AP1G1: variants seen among roughly 807,000 people sequenced by gnomAD.
The protein encoded by AP1G1 is AP-1 complex subunit gamma-1.
Under a neutral mutation model 108.3 loss-of-function variants are expected in AP1G1, and 7 were observed. That is an observed-to-expected ratio of 0.06 (90% confidence interval 0.04 to 0.12). AP1G1 has a LOEUF of 0.12. Among genes scored for constraint, AP1G1 ranks in the 10% least tolerant of loss-of-function variants. AP1G1 has a pLI of 1.00. For missense variants in AP1G1, 756 were observed against 1,010.7 expected (o/e 0.75, Z 3.42); for synonymous variants, 379 against 353.5 (o/e 1.07, Z -0.81).
At chr16:71,751,541 G>A (rs1251419761) in intron 13 of AP1G1, among the ~76,000 whole-genome samples, 4 of 151,202 alleles carry the variant, frequency 2.6e-5, no homozygotes, top group Admixed American at 1.3e-4. Context: ...CACAAAGACA[G>A]AGGAAGAATT....
chr16:71,744,068 C>A (rs890106533), intron 19 of AP1G1, among the ~76,000 whole-genome samples: 5 of 151,796 alleles, frequency 3.3e-5, no homozygotes, highest in Admixed American at 2.6e-4. Flanking sequence ...CATGGAGAAA[C>A]CCCATCTCTA....
chr16:71,806,780 G>C, intron 1 of AP1G1: 1 of 1,088,412 alleles, frequency 9.2e-7, no homozygotes, highest in Non-Finnish European at 1.2e-6. Context: ...CAGAACTCAC[G>C]TATCTAATAG....
intron 3 of AP1G1, 100 bp downstream of exon 3, chr16:71,774,368 C>A: frequency 7.5e-7 from 1 of 1,333,388 alleles, no homozygotes; most frequent in Non-Finnish European, 1.0e-6. Flanking sequence ...CACGCCACTT[C>A]ACTCCAGCCT....
intron 1 of AP1G1, among the ~76,000 whole-genome samples, chr16:71,800,141 G>A (rs1439283888): frequency 1.3e-5 from 2 of 150,912 alleles, no homozygotes; most frequent in Non-Finnish European, 2.9e-5. Context: ...GAGGCAGGTG[G>A]ATCACGAGGT....
chr16:71,765,782 T>G (rs553997628), intron 6 of AP1G1, 198 bp from the exon 7 acceptor site: 20 of 502,176 alleles, frequency 4.0e-5, no homozygotes, highest in South Asian at 3.7e-4. Context: ...GTATGTATTT[T>G]ATCTGGATAA....
At chr16:71,805,911 C>T (rs887673690) in intron 1 of AP1G1, among the ~76,000 whole-genome samples, 15 of 151,756 alleles carry the variant, frequency 9.9e-5, no homozygotes, top group Non-Finnish European at 2.1e-4. Flanking sequence ...GTCCCAGCTA[C>T]GTGGAGGGCT....
In AP1G1 at chr16:71,764,420, T is replaced by C; in HGVS notation, c.848A>G (p.Asn283Ser). 1.2e-6 allele frequency: 2 copies of C among 1,610,066 alleles called. No homozygotes were observed. The highest frequency in any genetic ancestry group is 1.7e-6 in the Non-Finnish European group (2 of 1,177,772). ...TTCATAAAGAATAGCATTTCCTACATTTTTACTAGTCTCAGTATTAGTGGC... is the reference window on the plus strand; with the variant it reads ...TTCATAAAGAATAGCATTTCCTACACTTTTACTAGTCTCAGTATTAGTGGC... The part of the protein sequence containing the change: ...QVATNTETSK[N>S]VGNAILYETV... The change falls in exon 9 of 23, where the codon AAT (asparagine) becomes AGT (serine). Residue 283 changes from asparagine to serine, a missense_variant. Transcript: ENST00000299980.
intron 13 of AP1G1, among the ~76,000 whole-genome samples, chr16:71,750,874 A>C (rs1049932245): frequency 2.0e-5 from 3 of 151,420 alleles, no homozygotes; most frequent in African/African-American, 7.3e-5. Context: ...CTTTGTCCAA[A>C]GGCCGGGTGT....
intron 21 of AP1G1, among the ~76,000 whole-genome samples, chr16:71,735,689 T>G (rs927389353): frequency 2.0e-5 from 3 of 151,634 alleles, no homozygotes; most frequent in African/African-American, 7.3e-5. Context: ...TAGGGCAAGC[T>G]AGGTAAACCA....
Position 71,755,243 on chromosome 16 carries a change from T to C in AP1G1, c.1229+776A>G, listed in dbSNP as rs537338461. 1.6e-4 allele frequency among the ~76,000 whole-genome samples: 24 copies of C among 152,128 alleles called. 2 individuals carry two copies. The South Asian group carries it at 4.6e-3, about 29-fold the overall frequency. On this transcript the variant is annotated intron_variant, in intron 12 of 22. Coordinates refer to ENST00000299980, the MANE Select transcript of AP1G1 (RefSeq NM_001128.6). ...GAGTTCGAGACCAGCCTGGACAACA[T>C]AGCGAAACCCCATCTCTACAAAAAG...
rs552001098 is a variant in AP1G1, at chr16:71,788,075, C to G, written c.201+1204G>C. ...TCATGTATTTCTAAAGATGTTGACC[C>G]CACTCCAAACCCCAAGATGACCATA... On this transcript the variant is annotated intron_variant, in intron 2 of 22. Transcript: ENST00000299980. Among the ~76,000 whole-genome samples the G allele has an allele frequency of 2.6e-5, 4 of 152,210 alleles. No homozygotes were observed. The South Asian group carries it at 8.3e-4, about 32-fold the overall frequency.
At chr16:71,747,883 T>G (rs2030268181) in intron 16 of AP1G1, among the ~76,000 whole-genome samples, 1 of 152,130 alleles carries the variant, frequency 6.6e-6, no homozygotes, top group Admixed American at 6.5e-5. Context: ...CTCTGGAGGC[T>G]GAGACAGGAA....
chr16:71,751,556 G>GA (rs1567645356), intron 13 of AP1G1, among the ~76,000 whole-genome samples: 1 of 151,676 alleles, frequency 6.6e-6, no homozygotes, highest in Non-Finnish European at 1.5e-5. Context: ...AGAATTCTGG[G>GA]AAAATGATCA....
intron 12 of AP1G1, 71 bp from the exon 13 acceptor site, chr16:71,753,958 G>T: frequency 6.9e-7 from 1 of 1,447,810 alleles, no homozygotes; most frequent in Non-Finnish European, 9.7e-7. Context: ...AGAAAATCCT[G>T]CCCAAGCAGG....
intron 1 of AP1G1, 36 bp from the exon 2 acceptor site, chr16:71,789,518 A>AT (rs773537936): frequency 3.5e-5 from 56 of 1,579,456 alleles, no homozygotes; most frequent in Admixed American, 2.5e-4. Context: ...AGATGTTCAC[A>AT]TTTTTTACTA....
chr16:71,800,237 G>C (rs2032740434), intron 1 of AP1G1, among the ~76,000 whole-genome samples: 1 of 150,846 alleles, frequency 6.6e-6, no homozygotes, highest in South Asian at 2.1e-4. Context: ...CGGGTGTGGT[G>C]GTGGGCGCCT....
chr16:71,736,931 T>G (rs2045557609), intron 21 of AP1G1, among the ~76,000 whole-genome samples: 1 of 151,938 alleles, frequency 6.6e-6, no homozygotes, highest in African/African-American at 2.4e-5. Context: ...CATTATCATG[T>G]TGCACTGTAC....
rs1267469233 is a variant in AP1G1 at position 71,789,592 on chromosome 16, C to T, written c.-3-110G>A. On this transcript the variant is annotated intron_variant, in intron 1 of 22. Transcript: ENST00000299980. ...CTAGTTTTTAAGAATTCAAGACTTG[C>T]CAAATCCAGCTTAGCGAAGCTAAAC... The T allele has an allele frequency of 3.3e-5, 36 of 1,096,038 alleles. 1 individual carries two copies. In the Admixed American group the frequency reaches 7.9e-4, roughly 24 times the overall value. The allele number at this position is 1,096,038 out of a possible 1,614,324, so 67.9% of individuals were successfully genotyped here.
chr16:71,755,329 TG>T (rs1452159955), intron 12 of AP1G1, among the ~76,000 whole-genome samples: 1 of 151,898 alleles, frequency 6.6e-6, no homozygotes, highest in African/African-American at 2.4e-5. Flanking sequence ...CCCAGCTACT[TG>T]GGGGGCTGAG....
Sources: allele counts gnomAD v4.1 joint callset (sites outside exome capture counted in the v4.1 genomes callset), GRCh38; gene constraint gnomAD v4.1.1; transcripts MANE v1.5; gene names NCBI Gene and HGNC (gene_info 2026-07-23, HGNC 2026-07-21).